CSMD1: variants seen among roughly 807,000 people sequenced by gnomAD.
CSMD1 encodes the protein CUB and Sushi multiple domains 1.
A neutral mutation model predicts 417.5 loss-of-function variants in CSMD1; 213 were observed. The observed-to-expected ratio is 0.51, with a 90% CI of 0.46 to 0.57. The LOEUF (loss-of-function observed/expected upper bound fraction) is 0.57. Ranked by LOEUF, CSMD1 falls within the 20% of genes least tolerant of loss-of-function variation. The probability of loss-of-function intolerance (pLI) is 0.00; values close to 1 mark genes in which losing one functional copy is unlikely to be tolerated. For missense variants in CSMD1, 6,923 were observed against 4,529.7 expected, an observed-to-expected ratio of 1.53 and a Z score of -15.17; for synonymous variants, 2,862 against 1,736.8, an observed-to-expected ratio of 1.65 and a Z score of -16.11.
chr8:4,965,838 G>C (rs1046503263), intron 1 of CSMD1, among the ~76,000 whole-genome samples: 2 of 152,106 alleles, frequency 1.3e-5, no homozygotes, highest in Admixed American at 1.3e-4. Flanking sequence ...GCATCTTCAT[G>C]TTGATTGGAG....
At chr8:3,083,378 A>T (rs7009261) in intron 49 of CSMD1, among the ~76,000 whole-genome samples, 28,417 of 151,210 alleles carry the variant, frequency 0.19, 2,735 homozygotes, top group African/African-American at 0.23. Flanking sequence ...AGAGCAACAC[A>T]TCGTTGATAA....
intron 5 of CSMD1, among the ~76,000 whole-genome samples, chr8:3,775,700 C>T (rs1402193164): frequency 2.6e-5 from 4 of 152,168 alleles, no homozygotes; most frequent in Non-Finnish European, 4.4e-5. Context: ...AGTTCTAGTT[C>T]CTAAATGATG....
intron 2 of CSMD1, among the ~76,000 whole-genome samples, chr8:4,466,762 T>G (rs1372178941): frequency 6.6e-6 from 1 of 152,106 alleles, no homozygotes; most frequent in East Asian, 1.9e-4. Flanking sequence ...ATTTATCAAA[T>G]TATAATATGA....
At chr8:3,514,207 A>T (rs1225786951) in intron 10 of CSMD1, among the ~76,000 whole-genome samples, 1 of 152,158 alleles carries the variant, frequency 6.6e-6, no homozygotes, top group East Asian at 1.9e-4. Context: ...GCTCTTGTGT[A>T]AAGGATACTA....
chr8:3,568,302 G>C (rs867804084), intron 10 of CSMD1, among the ~76,000 whole-genome samples: 1 of 152,096 alleles, frequency 6.6e-6, no homozygotes, highest in Non-Finnish European at 1.5e-5. Flanking sequence ...GTGTGCTGTT[G>C]TCAATGGCAG....
At chr8:3,721,383 C>T (rs1446461175) in intron 6 of CSMD1, among the ~76,000 whole-genome samples, 1 of 152,058 alleles carries the variant, frequency 6.6e-6, no homozygotes, top group Non-Finnish European at 1.5e-5. Context: ...ACGTCTCTAG[C>T]CCAGGTTTTT....
At chr8:3,825,638 A>G (rs981849607) in intron 5 of CSMD1, among the ~76,000 whole-genome samples, 2 of 152,174 alleles carry the variant, frequency 1.3e-5, no homozygotes, top group African/African-American at 4.8e-5. Context: ...AATAAAAGAC[A>G]ACAGCCAAAT....
intron 51 of CSMD1, among the ~76,000 whole-genome samples, chr8:3,028,904 A>G (rs1280342910): frequency 6.6e-6 from 1 of 152,228 alleles, no homozygotes; most frequent in East Asian, 1.9e-4. Context: ...TACCTAAGAG[A>G]ATAATCATCT....
intron 3 of CSMD1, among the ~76,000 whole-genome samples, chr8:4,220,010 T>C (rs2128807730): frequency 6.6e-6 from 1 of 152,190 alleles, no homozygotes; most frequent in Admixed American, 6.5e-5. Flanking sequence ...AGTGCAGTGG[T>C]GCGATCTAGG....
chr8:3,793,363 T>A (rs926218825), intron 5 of CSMD1, among the ~76,000 whole-genome samples: 2 of 152,172 alleles, frequency 1.3e-5, no homozygotes, highest in African/African-American at 2.4e-5. Flanking sequence ...ATTCTGTCAT[T>A]TTCTTTTTCT....
intron 2 of CSMD1, among the ~76,000 whole-genome samples, chr8:4,515,310 T>C (rs1307651482): frequency 1.3e-5 from 2 of 152,108 alleles, no homozygotes; most frequent in Non-Finnish European, 2.9e-5. Context: ...CTCAGAGAAA[T>C]AGCACATGTA....
chr8:4,049,304 T>C (rs555548092), intron 3 of CSMD1, among the ~76,000 whole-genome samples: 3 of 152,086 alleles, frequency 2.0e-5, no homozygotes, highest in Middle Eastern at 3.4e-3. Context: ...GTAGGACATT[T>C]TGCAACATCT....
At chr8:3,961,921 G>A (rs1417907698) in intron 5 of CSMD1, among the ~76,000 whole-genome samples, 1 of 152,166 alleles carries the variant, frequency 6.6e-6, no homozygotes, top group Non-Finnish European at 1.5e-5. Context: ...AAAAACGAAT[G>A]GGCTTGGGCG....
intron 2 of CSMD1, among the ~76,000 whole-genome samples, chr8:4,564,568 A>G (rs554432464): frequency 6.6e-6 from 1 of 152,350 alleles, no homozygotes; most frequent in Non-Finnish European, 1.5e-5. Context: ...AAGCATAAAT[A>G]CTGATAATCA....
intron 25 of CSMD1, among the ~76,000 whole-genome samples, chr8:3,288,758 A>G (rs747403790): frequency 2.0e-5 from 3 of 146,604 alleles, no homozygotes; most frequent in Non-Finnish European, 2.9e-5. Context: ...CAGCTCCTGG[A>G]TTCATTGATT....
chr8:4,701,107 T>G (rs1268670881), intron 1 of CSMD1, among the ~76,000 whole-genome samples: 2 of 151,948 alleles, frequency 1.3e-5, no homozygotes, highest in Non-Finnish European at 2.9e-5. Flanking sequence ...GGATGAAAGG[T>G]GAATGTTGCA....
intron 1 of CSMD1, among the ~76,000 whole-genome samples, chr8:4,734,526 G>A (rs1563249273): frequency 6.6e-6 from 1 of 152,150 alleles, no homozygotes; most frequent in Non-Finnish European, 1.5e-5. Flanking sequence ...AACTGTTGAA[G>A]ATTTAGAAAC....
intron 1 of CSMD1, among the ~76,000 whole-genome samples, chr8:4,681,073 G>A (rs907318547): frequency 6.6e-6 from 1 of 151,112 alleles, no homozygotes; most frequent in Non-Finnish European, 1.5e-5. Context: ...TTGCATTATG[G>A]CTACGTAATG....
At chr8:3,577,785 G>A (rs929998582) in intron 9 of CSMD1, among the ~76,000 whole-genome samples, 1 of 152,146 alleles carries the variant, frequency 6.6e-6, no homozygotes, top group Non-Finnish European at 1.5e-5. Context: ...TTTACCATCT[G>A]ATGATGCGCC....
Sources: gnomAD v4.1 joint callset for allele counts (sites outside exome capture counted in the v4.1 genomes callset) on GRCh38, gnomAD v4.1.1 for gene constraint, MANE v1.5 for transcripts, NCBI Gene and HGNC (gene_info 2026-07-23, HGNC 2026-07-21) for gene names.